TACC2: variants seen among roughly 807,000 people sequenced by gnomAD.
TACC2 encodes the protein transforming acidic coiled-coil-containing protein 2.
A neutral mutation model predicts 227.3 loss-of-function variants in TACC2; 137 were observed. That is an observed-to-expected ratio of 0.60 (90% CI 0.52 to 0.69). The LOEUF is 0.69. Among genes scored for constraint, TACC2 ranks in the 30% least tolerant of loss-of-function variants. TACC2 has a pLI of 0.00. For synonymous variants in TACC2, 1,523 were observed against 1,487.5 expected (o/e 1.02, Z -0.55); for missense variants, 3,470 against 3,694.4 (o/e 0.94, Z 1.57).
chr10:122,099,861 A>C (rs948856151), intron 5 of TACC2, among the ~76,000 whole-genome samples: 1 of 152,208 alleles, frequency 6.6e-6, no homozygotes, highest in Non-Finnish European at 1.5e-5. Context: ...GCTTCTGTTG[A>C]AGTGTTGTGT....
At chr10:122,157,430 C>T (rs1015269755) in intron 7 of TACC2, among the ~76,000 whole-genome samples, 5 of 152,050 alleles carry the variant, frequency 3.3e-5, no homozygotes, top group African/African-American at 1.2e-4. Context: ...AAGGCATCAG[C>T]CACCATATAC....
At chr10:122,063,818 AT>A (rs1304028618) in intron 3 of TACC2, among the ~76,000 whole-genome samples, 2 of 134,204 alleles carry the variant, frequency 1.5e-5, no homozygotes, top group African/African-American at 5.7e-5. Context: ...TATTATACAT[AT>A]ATATTATATA....
At chr10:122,070,043 A>G (rs2077859622) in intron 3 of TACC2, among the ~76,000 whole-genome samples, 1 of 152,198 alleles carries the variant, frequency 6.6e-6, no homozygotes, top group South Asian at 2.1e-4. Flanking sequence ...TCCCCAGTTT[A>G]GATTAATGGG....
intron 3 of TACC2, among the ~76,000 whole-genome samples, chr10:122,080,226 T>TG (rs1491114132): frequency 0.083 from 127 of 1,532 alleles, no homozygotes; most frequent in African/African-American, 0.12. Flanking sequence ...TTTTTTTTTG[T>TG]TTTTTTTTTG....
At chr10:122,007,621 C>T (rs547119829) in intron 1 of TACC2, among the ~76,000 whole-genome samples, 2 of 152,294 alleles carry the variant, frequency 1.3e-5, no homozygotes, top group South Asian at 4.1e-4. Flanking sequence ...TCTGTCTGTA[C>T]ACAGGCCATG....
At position 122,050,282 on chromosome 10, in the gene TACC2, G is replaced by C. The variant is rs147803033; in HGVS notation, c.34-156G>C. Among the ~76,000 whole-genome samples the C allele has an allele frequency of 9.9e-3, 1,502 of 152,290 alleles. 28 individuals are homozygous for C. Among genetic ancestry groups the C allele is most frequent in the African/African-American group, 0.035 (1,445 of 41,552 alleles). On this transcript the variant is annotated intron_variant, in intron 2 of 22. Coordinates refer to ENST00000369005, the MANE Select transcript of TACC2 (RefSeq NM_206862.4). The surrounding 1 kb of genome is among the most constrained non-coding windows in gnomAD (Gnocchi z 4.6). ...CGCTGCCATATATCCTCAAGGCCTA[G>C]CTCAGTGCCGCACATAGTAGGTGTT...
chr10:122,244,904 C>A (rs73357675), intron 19 of TACC2, among the ~76,000 whole-genome samples: 15,262 of 152,260 alleles, frequency 0.1, 2,264 homozygotes, highest in African/African-American at 0.32. Context: ...GTTAAGCTCA[C>A]ATAGTGACTA....
chr10:122,088,875 C>T, intron 5 of TACC2: 4 of 851,314 alleles, frequency 4.7e-6, no homozygotes, highest in Non-Finnish European at 7.1e-6. Flanking sequence ...AATCCCAACA[C>T]TTTGGGAGGT....
At chr10:122,005,847 C>A (rs1331529211) in intron 1 of TACC2, among the ~76,000 whole-genome samples, 1 of 152,012 alleles carries the variant, frequency 6.6e-6, no homozygotes, top group East Asian at 1.9e-4. Context: ...TTGTGCACCA[C>A]CATGCCCAGC....
chr10:122,130,291 C>G (rs1310599225), intron 5 of TACC2, among the ~76,000 whole-genome samples: 1 of 152,086 alleles, frequency 6.6e-6, no homozygotes, highest in Non-Finnish European at 1.5e-5. Flanking sequence ...CCACTGTGCC[C>G]AGCCAGACTC....
intron 5 of TACC2, among the ~76,000 whole-genome samples, chr10:122,106,468 C>A (rs1210346894): frequency 6.6e-6 from 1 of 152,156 alleles, no homozygotes; most frequent in East Asian, 1.9e-4. Context: ...CTTCTCATTT[C>A]TATGTGGCTT....
Position 122,230,369 on chromosome 10 carries a change from A to G in TACC2, c.8056A>G (p.Ile2686Val). The G allele has an allele frequency of 1.2e-6, 2 of 1,614,212 alleles. No homozygotes were observed. The highest frequency in any genetic ancestry group is 1.7e-5 in the Admixed American group (1 of 60,036). ...TGGGCAGGAGGAGTTAGAGTTTGCCATCATGCGGATAGAAGCCCTGAAGCT... is the reference window on the plus strand; with the variant it reads ...TGGGCAGGAGGAGTTAGAGTTTGCCGTCATGCGGATAGAAGCCCTGAAGCT... ...QKLQEELEFA[I>V]MRIEALKLAR... The change falls in exon 16 of 23, where the codon ATC (isoleucine) becomes GTC (valine). Residue 2686 changes from isoleucine to valine, a missense_variant. By Grantham distance (29) the Ile-to-Val change is conservative. Coordinates refer to ENST00000369005, the MANE Select transcript of TACC2 (RefSeq NM_206862.4).
chr10:122,110,188 G>T (rs1009452949), intron 5 of TACC2, among the ~76,000 whole-genome samples: 3 of 152,204 alleles, frequency 2.0e-5, no homozygotes, highest in Admixed American at 6.5e-5. Context: ...TCCTTGGGAA[G>T]TAAAGATTCA....
In TACC2 at chr10:122,164,474, A is replaced by C. The variant is rs2093029942; in HGVS notation, c.5834+20768A>C. Reference sequence around the variant, plus strand: ...TCTAGTTAGCCTAAGCATCATCCACATACTCTGGTGAACACTCGAGGACAA... The same window carrying C: ...TCTAGTTAGCCTAAGCATCATCCACCTACTCTGGTGAACACTCGAGGACAA... On this transcript the variant is annotated intron_variant, in intron 7 of 22. Coordinates refer to ENST00000369005, the MANE Select transcript of TACC2 (RefSeq NM_206862.4). 2.0e-5 allele frequency among the ~76,000 whole-genome samples: 3 copies of C among 152,190 alleles called. No homozygotes were observed. In the South Asian group the frequency reaches 6.2e-4, roughly 32 times the overall value.
Position 122,141,864 on chromosome 10 carries a change from C to T in TACC2, c.5700-1708C>T, listed in dbSNP as rs143117595. On this transcript the variant is annotated intron_variant, in intron 6 of 22. Coordinates refer to ENST00000369005, the MANE Select transcript of TACC2 (RefSeq NM_206862.4). The surrounding 1 kb of genome is among the most constrained non-coding windows in gnomAD (Gnocchi z 4.3). The stretch of plus-strand genomic sequence containing the variant: ...ACAGCAGTGTAATTTCTTGAGAAAG[C>T]GAAGTTAGACTAGTAGTTTGCGTTT... 8.0e-4 allele frequency among the ~76,000 whole-genome samples: 122 copies of T among 152,186 alleles called. No homozygotes were observed. The highest frequency in any genetic ancestry group is 2.4e-3 in the African/African-American group (99 of 41,500).
chr10:122,083,807 A>G lies in TACC2; in HGVS notation c.1307A>G (p.Glu436Gly). Residue 436 changes from glutamate to glycine, a missense_variant, in exon 4 of 23, where the codon GAA becomes GGA. This residue lies in a region of TACC2 where 1,924 missense variants were observed against 1,978.3 expected (regional missense o/e 0.97). Transcript: ENST00000369005. The part of the protein sequence containing the change: ...PAAQIPIAVE[E>G]PGSSSRESVS... ...GCTCAGATTCCTATTGCTGTAGAAG[A>G]ACCTGGATCATCATCCAGGGAATCA... 1 of 1,614,158 alleles carries G rather than the reference A, an allele frequency of 6.2e-7. No individual in the cohort carries two copies. The highest frequency in any genetic ancestry group is 8.5e-7 in the Non-Finnish European group (1 of 1,180,032).
Position 122,105,560 on chromosome 10 carries a change from G to A in TACC2, c.5573+16969G>A, listed in dbSNP as rs143429202. ...TGGTGTCTGCTGGTGTTTTGGTTCC[G>A]TATTCCTGCTTCTTGCCTCTCCAGC... On this transcript the variant is annotated intron_variant, in intron 5 of 22. Coordinates refer to ENST00000369005, the MANE Select transcript of TACC2 (RefSeq NM_206862.4). Among the ~76,000 whole-genome samples the A allele has an allele frequency of 1.7e-3, 253 of 151,772 alleles. 2 individuals carry two copies. The highest frequency in any genetic ancestry group is 6.0e-3 in the African/African-American group (247 of 41,368).
At chr10:121,990,443 A>C (rs903963711) in intron 1 of TACC2, among the ~76,000 whole-genome samples, 2 of 152,056 alleles carry the variant, frequency 1.3e-5, no homozygotes, top group African/African-American at 4.8e-5. Flanking sequence ...AGGATATAGG[A>C]AAGGTTTTGC....
At chr10:122,162,578 C>T (rs1175940934) in intron 7 of TACC2, among the ~76,000 whole-genome samples, 3 of 152,096 alleles carry the variant, frequency 2.0e-5, no homozygotes, top group East Asian at 1.9e-4. Flanking sequence ...CCAGGTGTGC[C>T]CCAAACCTCC....
Sources: gnomAD v4.1 joint callset for allele counts (sites outside exome capture counted in the v4.1 genomes callset) on GRCh38, gnomAD v4.1.1 for gene constraint, gnomAD v4.1.1 regional missense constraint, Gnocchi (gnomAD v3.1) non-coding constraint, MANE v1.5 for transcripts, NCBI Gene and HGNC (gene_info 2026-07-23, HGNC 2026-07-21) for gene names.